The following PPIL2 variants were observed in gnomAD, a reference collection of about 807,000 sequenced individuals.
PPIL2 encodes the protein peptidylprolyl isomerase like 2.
Under a neutral mutation model 75.2 loss-of-function variants are expected in PPIL2, and 50 were observed. The observed-to-expected ratio is 0.66, with a 90% CI of 0.53 to 0.84. The LOEUF (loss-of-function observed/expected upper bound fraction) is 0.84, where lower values mean the gene tolerates loss of function less well. PPIL2 is among the 40% of genes least tolerant of loss of function. The pLI, the probability that PPIL2 is intolerant of heterozygous loss-of-function variation, is 0.00. For synonymous variants in PPIL2, 245 were observed against 258.8 expected (o/e 0.95, Z 0.51); for missense variants, 590 against 685.0 (o/e 0.86, Z 1.55).
intron 15 of PPIL2, among the ~76,000 whole-genome samples, 185 bp downstream of exon 15, chr22:21,689,034 G>T (rs2067505095): frequency 6.6e-6 from 1 of 152,246 alleles, no homozygotes; most frequent in East Asian, 1.9e-4. Context: ...TCAGCAGGGA[G>T]AGCTGCCCGC....
At position 21,693,848 on chromosome 22, in the gene PPIL2, A is replaced by G; in HGVS notation, c.1172A>G (p.Asp391Gly). 1.3e-6 allele frequency: 2 copies of G among 1,547,842 alleles called. No individual in the cohort carries two copies. Among genetic ancestry groups the G allele is most frequent in the Non-Finnish European group, 1.8e-6 (2 of 1,119,756 alleles). Residue 391 changes from aspartate (D) to glycine (G), a missense_variant, in exon 16 of 20, where the codon GAC (aspartate) becomes GGC (glycine). By Grantham distance (94) the Asp-to-Gly change is moderately conservative. Coordinates refer to ENST00000398831, the MANE Select transcript of PPIL2 (RefSeq NM_014337.4). ...FITFRSCAYL[D>G]KKHTIFGRVV... ...ACGTTTCGCTCCTGTGCCTACCTGG[A>G]CAAGAAGCATACCATCTTTGGACGG...
intron 1 of PPIL2, among the ~76,000 whole-genome samples, chr22:21,667,496 C>G (rs1310829084): frequency 6.6e-6 from 1 of 151,866 alleles, no homozygotes. Context: ...AACAGTATGT[C>G]CCACTGTTGA....
At chr22:21,679,488 G>A (rs2067013136) in intron 6 of PPIL2, among the ~76,000 whole-genome samples, 1 of 151,938 alleles carries the variant, frequency 6.6e-6, no homozygotes, top group African/African-American at 2.4e-5. Context: ...TGTAGTCCCA[G>A]CTACTTGGGA....
At chr22:21,675,982 T>C (rs416661) in intron 6 of PPIL2, among the ~76,000 whole-genome samples, 149,426 of 152,352 alleles carry the variant, frequency 0.98, 73,362 homozygotes, top group African/African-American at 1. Flanking sequence ...TAGGTTCTAG[T>C]CCAGGTCTTT....
chr22:21,671,450 C>T (rs961326861), intron 4 of PPIL2, among the ~76,000 whole-genome samples: 2 of 152,238 alleles, frequency 1.3e-5, no homozygotes, highest in South Asian at 2.1e-4. Context: ...TGAGATAACA[C>T]TGTGAACACT....
chr22:21,685,528 C>G (rs984460376), intron 10 of PPIL2: 1 of 373,990 alleles, frequency 2.7e-6, no homozygotes, highest in African/African-American at 2.2e-5. Flanking sequence ...AAGAATTATT[C>G]AAATTCTGGA....
rs373628204 is a variant in PPIL2 at position 21,684,506 on chromosome 22, A to T, written c.554-247A>T. ...AAAAAGCAAAGCGTATACTCTAAAA[A>T]GATTAGAATATACAGATAAATATAA... On this transcript the variant is annotated intron_variant, in intron 9 of 19. Coordinates refer to ENST00000398831, the MANE Select transcript of PPIL2 (RefSeq NM_014337.4). 2.9e-4 allele frequency among the ~76,000 whole-genome samples: 44 copies of T among 151,800 alleles called. No homozygotes were observed. The South Asian group carries it at 8.7e-3, about 30-fold the overall frequency.
chr22:21,669,857 A>G, intron 1 of PPIL2, 56 bp from the exon 2 acceptor site: 1 of 1,537,860 alleles, frequency 6.5e-7, no homozygotes, highest in South Asian at 1.1e-5. Context: ...ACTTCCAAAG[A>G]CTTCGTCCTC....
intron 1 of PPIL2, among the ~76,000 whole-genome samples, chr22:21,667,270 C>A (rs2066429390): frequency 6.6e-6 from 1 of 150,948 alleles, no homozygotes; most frequent in African/African-American, 2.4e-5. Flanking sequence ...GATTTTCCTG[C>A]CTCAGCCTCC....
At position 21,687,563 on chromosome 22, in the gene PPIL2, A is replaced by G; in HGVS notation, c.898-80A>G. ...AAGACTCCACCTCAAAAAAAAAAAA[A>G]AAAAAAAAGCCTCCTGTGGCTGTGG... On this transcript the variant is annotated intron_variant, in intron 12 of 19. Coordinates refer to ENST00000398831, the MANE Select transcript of PPIL2 (RefSeq NM_014337.4). The G allele has an allele frequency of 2.4e-6, 2 of 834,506 alleles. 1 individual carries two copies. Among genetic ancestry groups the G allele is most frequent in the African/African-American group, 3.6e-5 (2 of 56,278 alleles). 51.7% of individuals were successfully genotyped at this position (834,506 alleles called of 1,614,324 possible).
chr22:21,694,457 G>A (rs1176705172), intron 16 of PPIL2, 136 bp from the exon 17 acceptor site: 6 of 905,812 alleles, frequency 6.6e-6, no homozygotes, highest in South Asian at 4.7e-5. Flanking sequence ...CCCTCTCATC[G>A]CCTTCCTGGC....
chr22:21,682,251 C>T (rs1158837077), intron 7 of PPIL2, among the ~76,000 whole-genome samples, 186 bp from the exon 8 acceptor site: 1 of 152,182 alleles, frequency 6.6e-6, no homozygotes, highest in Admixed American at 6.5e-5. Flanking sequence ...TCGTCTGAGG[C>T]CCAGCCAGCT....
rs1404685610 is a variant in PPIL2 at position 21,696,240 on chromosome 22, C to T, written c.*750C>T. On this transcript the variant is annotated 3_prime_UTR_variant, in exon 20 of 20. Coordinates refer to ENST00000398831, the MANE Select transcript of PPIL2 (RefSeq NM_014337.4). ...CTGCCTGAGCTCTCAGGGCCCTGCT[C>T]ACCTGCTCTGGCTGTGAACCACCTG... 2.9e-6 allele frequency: 3 copies of T among 1,018,114 alleles called. No individual in the cohort carries two copies. Among genetic ancestry groups the T allele is most frequent in the Admixed American group, 5.1e-5 (1 of 19,636 alleles). The allele number at this position is 1,018,114 out of a possible 1,614,324, so 63.1% of individuals were successfully genotyped here. A position where few individuals can be genotyped will look rare whatever the true frequency, so the allele number is the denominator to read the frequency against.
rs757807413 is a variant in PPIL2 at position 21,686,879 on chromosome 22, C to T, written c.791-13C>T. The T allele has an allele frequency of 1.2e-6, 2 of 1,613,366 alleles. No individual in the cohort carries two copies. The highest frequency in any genetic ancestry group is 1.7e-6 in the Non-Finnish European group (2 of 1,179,566). On this transcript the variant is annotated splice_polypyrimidine_tract_variant and intron_variant, in intron 11 of 19. Transcript: ENST00000398831. ...GGTGAGGGCAGGGGCTGAGCTGGGA[C>T]CTTGGCTTGTAGCTGCCATCGACGA... is the stretch of plus-strand genomic sequence containing the variant.
At position 21,695,904 on chromosome 22, in the gene PPIL2, C is replaced by T; in HGVS notation, c.*414C>T. 2 of 963,096 alleles carry T rather than the reference C, an allele frequency of 2.1e-6. No homozygotes were observed. The highest frequency in any genetic ancestry group is 2.5e-6 in the Non-Finnish European group (2 of 790,828). The allele number at this position is 963,096 out of a possible 1,614,324, so 59.7% of individuals were successfully genotyped here. On this transcript the variant is annotated 3_prime_UTR_variant, in exon 20 of 20. Coordinates refer to ENST00000398831, the MANE Select transcript of PPIL2 (RefSeq NM_014337.4). ...TGGTGTGATCATGGCTCACTGCAGC[C>T]TCGACCTCCTGGGCTCAAGCAATCC...
chr22:21,685,652 G>T, intron 10 of PPIL2: 1 of 451,090 alleles, frequency 2.2e-6, no homozygotes, highest in Admixed American at 2.4e-5. Context: ...TTGCTATGTT[G>T]TCTAAGCTGG....
rs59613531 is a variant in PPIL2, at chr22:21,676,380, T to G, written c.295+1265T>G. Among the ~76,000 whole-genome samples the G allele has an allele frequency of 7.8e-3, 1,176 of 151,024 alleles. 25 individuals carry two copies. The highest frequency in any genetic ancestry group is 0.027 in the African/African-American group (1,126 of 41,170). On this transcript the variant is annotated intron_variant, in intron 6 of 19. Transcript: ENST00000398831. Reference sequence around the variant, plus strand: ...TATTTCTCCAAACCTCTTTTTTTTTTTATTGATCATTCTTGGGTGTTTCTC... The same window carrying G: ...TATTTCTCCAAACCTCTTTTTTTTTGTATTGATCATTCTTGGGTGTTTCTC...
intron 2 of PPIL2, chr22:21,670,324 A>G (rs1321890150): frequency 1.5e-5 from 23 of 1,505,844 alleles, no homozygotes; most frequent in Non-Finnish European, 1.9e-5. Context: ...AGACTACAAT[A>G]ACAAGAGCAC....
chr22:21,669,470 A>G (rs1455294056), intron 1 of PPIL2: 3 of 390,480 alleles, frequency 7.7e-6, no homozygotes, highest in Non-Finnish European at 1.5e-5. Flanking sequence ...TGTGTTTATC[A>G]CTGTGTGGCT....
Sources: gnomAD v4.1 joint callset for allele counts (sites outside exome capture counted in the v4.1 genomes callset) on GRCh38, gnomAD v4.1.1 for gene constraint, MANE v1.5 for transcripts, NCBI Gene and HGNC (gene_info 2026-07-23, HGNC 2026-07-21) for gene names.